The following EXO1 variants were observed in gnomAD, a reference collection of about 807,000 sequenced individuals.
The protein encoded by EXO1 is exonuclease 1.
A neutral mutation model predicts 84.5 loss-of-function variants in EXO1; 69 were observed. That is an observed-to-expected ratio of 0.82 (90% CI 0.67 to 1.00). The LOEUF is 1.00. Ranked by LOEUF, EXO1 falls within the 50% of genes least tolerant of loss-of-function variation. The pLI is 0.00. For synonymous variants in EXO1, 373 were observed against 366.1 expected, an observed-to-expected ratio of 1.02 and a Z score of -0.21; for missense variants, 1,045 against 1,000.7, an observed-to-expected ratio of 1.04 and a Z score of -0.60.
At chr1:241,867,465 A>T (rs920402359) in intron 11 of EXO1, among the ~76,000 whole-genome samples, 1 of 152,210 alleles carries the variant, frequency 6.6e-6, no homozygotes, top group African/African-American at 2.4e-5. Flanking sequence ...CCCACAACAC[A>T]TAGGAATTAT....
intron 5 of EXO1, 73 bp downstream of exon 5, chr1:241,852,484 T>C: frequency 7.1e-7 from 1 of 1,410,186 alleles, no homozygotes; most frequent in South Asian, 1.2e-5. Flanking sequence ...ATGATACCAA[T>C]TTTTAAAATT....
intron 11 of EXO1, among the ~76,000 whole-genome samples, chr1:241,868,656 A>G (rs550555361): frequency 6.6e-6 from 1 of 152,318 alleles, no homozygotes; most frequent in African/African-American, 2.4e-5. Flanking sequence ...TGACAGAACA[A>G]TACCCTGTCT....
Position 241,848,362 on chromosome 1 carries a change from A to G in EXO1, c.-420+9A>G, listed in dbSNP as rs1024811787. 2.6e-5 allele frequency: 4 copies of G among 152,168 alleles called. No homozygotes were observed. Among genetic ancestry groups the G allele is most frequent in the African/African-American group, 9.7e-5 (4 of 41,374 alleles). 9.4% of individuals were successfully genotyped at this position (152,168 alleles called of 1,614,324 possible). A position where few individuals can be genotyped will look rare whatever the true frequency, so the allele number is the denominator to read the frequency against. On this transcript the variant is annotated intron_variant, in intron 1 of 15. Transcript: ENST00000366548. The surrounding 1 kb of genome is among the most constrained non-coding windows in gnomAD (Gnocchi z 4.2). ...GAGTCCCTTCTCGGAAGGTGAGAGG[A>G]GCGGGCTGTGCGGAGGCTAATGGGT... is the stretch of plus-strand genomic sequence containing the variant.
intron 15 of EXO1, among the ~76,000 whole-genome samples, chr1:241,888,231 G>A (rs563690968): frequency 1.3e-5 from 2 of 152,076 alleles, no homozygotes; most frequent in East Asian, 1.9e-4. Flanking sequence ...AACAGAACGA[G>A]ACCTTGTCTC....
intron 11 of EXO1, among the ~76,000 whole-genome samples, chr1:241,869,840 G>C (rs1393142039): frequency 7.7e-6 from 1 of 130,634 alleles, no homozygotes; most frequent in Non-Finnish European, 1.6e-5. Context: ...TTTTGAGACT[G>C]TGTCACTGTG....
In EXO1 at chr1:241,885,475, C is replaced by T. The variant is rs1247643931; in HGVS notation, c.2373C>T (p.Leu791=). The T allele has an allele frequency of 6.2e-7, 1 of 1,613,662 alleles. No homozygotes were observed. Among genetic ancestry groups the T allele is most frequent in the Non-Finnish European group, 8.5e-7 (1 of 1,179,744 alleles). Residue 791 remains leucine (L), a synonymous_variant, in exon 15 of 16, where the codon CTC becomes CTT. Coordinates refer to ENST00000366548, the MANE Select transcript of EXO1 (RefSeq NM_130398.4). The part of the protein sequence containing the change: ...AENKPGLQIK[L]NELWKNFGFK... ...ACAAGCCGGGGTTACAGATCAAACT[C>T]AATGAGCTCTGGAAAAACTTTGGAT...
chr1:241,887,624 T>G (rs1174813422), intron 15 of EXO1, among the ~76,000 whole-genome samples: 2 of 152,088 alleles, frequency 1.3e-5, no homozygotes, highest in African/African-American at 2.4e-5. Flanking sequence ...TCTTTGCTCA[T>G]TTTATTTGTT....
intron 8 of EXO1, among the ~76,000 whole-genome samples, chr1:241,859,528 C>T (rs955811831): frequency 6.6e-6 from 1 of 152,040 alleles, no homozygotes; most frequent in Non-Finnish European, 1.5e-5. Context: ...TTTTCTTCTT[C>T]ACCCTCTTGC....
chr1:241,881,297 G>A (rs865959413), intron 13 of EXO1, among the ~76,000 whole-genome samples: 2 of 152,196 alleles, frequency 1.3e-5, no homozygotes, highest in Non-Finnish European at 2.9e-5. Context: ...CTCCCAAAGT[G>A]CTGGGATTAC....
At chr1:241,849,575 C>G (rs1395151829) in intron 3 of EXO1, among the ~76,000 whole-genome samples, 1 of 152,190 alleles carries the variant, frequency 6.6e-6, no homozygotes, top group Non-Finnish European at 1.5e-5. Flanking sequence ...AATGTTCGTG[C>G]TTAGAATAAT....
rs1244385577 is a variant in EXO1, at chr1:241,872,257, T to C, written c.1493T>C (p.Val498Ala). Residue 498 changes from valine to alanine, a missense_variant, in exon 12 of 16, where the codon GTG becomes GCG. Transcript: ENST00000366548. ...AAAAATGAAGAAAGTGGTGCAGTTG[T>C]GGTTCCAGGGACCAGAAGCAGGTAT... ...QRKNEESGAV[V>A]VPGTRSRFFC... 6.2e-7 allele frequency: 1 copy of C among 1,614,026 alleles called. No individual in the cohort carries two copies. Among genetic ancestry groups the C allele is most frequent in the Non-Finnish European group, 8.5e-7 (1 of 1,180,004 alleles).
intron 12 of EXO1, among the ~76,000 whole-genome samples, chr1:241,875,629 A>G (rs527652855): frequency 2.0e-5 from 3 of 152,308 alleles, no homozygotes; most frequent in East Asian, 3.9e-4. Context: ...CTTTAATCCC[A>G]GCACTTTGGG....
Position 241,882,013 on chromosome 1 carries a change from A to G in EXO1, c.2207A>G (p.Asn736Ser). ...HFSKKDTPLRNKVPGLYKSSS... is the reference protein window; with the variant it reads ...HFSKKDTPLRSKVPGLYKSSS... ...TCAAAAAAAGACACACCTCTAAGGAACAAGGTAAAACATTTATTTAATTTT... is the reference window on the plus strand; with the variant it reads ...TCAAAAAAAGACACACCTCTAAGGAGCAAGGTAAAACATTTATTTAATTTT... The change falls in exon 14 of 16, where the codon AAC (asparagine) becomes AGC (serine). Residue 736 changes from asparagine to serine, a missense_variant. Transcript: ENST00000366548. 1 of 1,417,870 alleles carries G rather than the reference A, an allele frequency of 7.1e-7. No homozygotes were observed. The highest frequency in any genetic ancestry group is 1.2e-5 in the South Asian group (1 of 85,230). 87.8% of individuals were successfully genotyped at this position (1,417,870 alleles called of 1,614,324 possible).
chr1:241,874,249 C>T (rs1248588307), intron 12 of EXO1, among the ~76,000 whole-genome samples: 1 of 152,096 alleles, frequency 6.6e-6, no homozygotes, highest in Non-Finnish European at 1.5e-5. Context: ...AAGTACAAAA[C>T]CTAGCTGGAC....
At chr1:241,875,596 G>C (rs963755632) in intron 12 of EXO1, among the ~76,000 whole-genome samples, 1 of 152,168 alleles carries the variant, frequency 6.6e-6, no homozygotes, top group African/African-American at 2.4e-5. Context: ...TACACTGATT[G>C]GGCCGGCCGT....
At chr1:241,888,249 T>C (rs1403242707) in intron 15 of EXO1, among the ~76,000 whole-genome samples, 1 of 151,816 alleles carries the variant, frequency 6.6e-6, no homozygotes, top group African/African-American at 2.4e-5. Flanking sequence ...CTCAAAAAAA[T>C]TTAAAAAAAA....
intron 11 of EXO1, among the ~76,000 whole-genome samples, chr1:241,867,381 A>T (rs1302799749): frequency 6.6e-6 from 1 of 152,172 alleles, no homozygotes; most frequent in Non-Finnish European, 1.5e-5. Context: ...AGATCTCATG[A>T]GACTTATTCA....
At chr1:241,878,296 T>C (rs530203591) in intron 12 of EXO1, among the ~76,000 whole-genome samples, 1 of 152,256 alleles carries the variant, frequency 6.6e-6, no homozygotes, top group African/African-American at 2.4e-5. Flanking sequence ...ATCAGGAGTT[T>C]GAGACCAGCC....
intron 14 of EXO1, among the ~76,000 whole-genome samples, chr1:241,882,606 C>G (rs1044715547): frequency 6.6e-6 from 1 of 151,974 alleles, no homozygotes; most frequent in African/African-American, 2.4e-5. Flanking sequence ...TGTTCTTGTT[C>G]ATCAGTATAA....
Sources: gnomAD v4.1 joint callset for allele counts (sites outside exome capture counted in the v4.1 genomes callset) on GRCh38, gnomAD v4.1.1 for gene constraint, Gnocchi (gnomAD v3.1) non-coding constraint, MANE v1.5 for transcripts, NCBI Gene and HGNC (gene_info 2026-07-23, HGNC 2026-07-21) for gene names.